GYG1: variants seen among roughly 807,000 people sequenced by gnomAD.
GYG1 encodes glycogenin 1.
GYG1 carries 44 observed loss-of-function variants against 41.9 expected under a neutral mutation model. That is an observed-to-expected ratio of 1.05 (90% CI 0.83 to 1.35). GYG1 has a LOEUF of 1.35. GYG1 is among the 40% of genes most tolerant of loss of function. The pLI, the probability that GYG1 is intolerant of heterozygous loss-of-function variation, is 0.00. For synonymous variants in GYG1, 141 were observed against 158.1 expected (o/e 0.89, Z 0.81); for missense variants, 429 against 418.9 (o/e 1.02, Z -0.21).
At chr3:149,005,019 A>C (rs957824314) in intron 4 of GYG1, among the ~76,000 whole-genome samples, 5 of 152,230 alleles carry the variant, frequency 3.3e-5, no homozygotes, top group Admixed American at 2.0e-4. Flanking sequence ...ACTACGATTT[A>C]GGCCTCTGTG....
At chr3:148,991,708 C>T in intron 1 of GYG1, 61 bp downstream of exon 1, 1 of 1,252,748 alleles carries the variant, frequency 8.0e-7, no homozygotes, top group Non-Finnish European at 1.1e-6. Context: ...CCAGCCGCCG[C>T]CTCCCTTCTC....
chr3:149,027,995 G>T lies in GYG1; in HGVS notation c.*1062G>T, dbSNP rs1199569069. Among the ~76,000 whole-genome samples, 1 of 152,174 alleles carries T rather than the reference G, an allele frequency of 6.6e-6. No individual in the cohort carries two copies. Among genetic ancestry groups the T allele is most frequent in the African/African-American group, 2.4e-5 (1 of 41,438 alleles). On this transcript the variant is annotated 3_prime_UTR_variant, in exon 8 of 8. Transcript: ENST00000345003. ...ATTTTATCTATGATTTAAAATGATAGAATGGAAAAGCGTATTTATTAAATT... is the reference window on the plus strand; with the variant it reads ...ATTTTATCTATGATTTAAAATGATATAATGGAAAAGCGTATTTATTAAATT...
chr3:149,010,371 A>G (rs1024907301), intron 5 of GYG1, among the ~76,000 whole-genome samples: 8 of 131,044 alleles, frequency 6.1e-5, no homozygotes, highest in South Asian at 4.8e-4. Context: ...TTTGTTGCCC[A>G]GGCTGGAGTG....
At chr3:149,024,828 C>CT (rs1714565972) in intron 6 of GYG1, among the ~76,000 whole-genome samples, 1 of 152,170 alleles carries the variant, frequency 6.6e-6, no homozygotes, top group Non-Finnish European at 1.5e-5. Flanking sequence ...TAACAACCCT[C>CT]TTTAGCATCT....
At chr3:149,026,598 A>G (rs949619097) in intron 7 of GYG1, 96 bp downstream of exon 7, 8 of 1,029,304 alleles carry the variant, frequency 7.8e-6, no homozygotes, top group Non-Finnish European at 1.2e-5. Flanking sequence ...AAATCATATA[A>G]TCTATATTTT....
At chr3:148,998,841 C>T (rs1319820185) in intron 4 of GYG1, among the ~76,000 whole-genome samples, 1 of 152,206 alleles carries the variant, frequency 6.6e-6, no homozygotes, top group East Asian at 1.9e-4. Context: ...TCTTAACCTT[C>T]TCGTCAGAGT....
rs1468101112 is a variant in GYG1, at chr3:149,030,128, A to G, written c.*3195A>G. The G allele has an allele frequency of 1.3e-5, 2 of 152,220 alleles. No individual in the cohort carries two copies. Among genetic ancestry groups the G allele is most frequent in the Non-Finnish European group, 2.9e-5 (2 of 68,036 alleles). The allele number at this position is 152,220 out of a possible 1,614,324, so 9.4% of individuals were successfully genotyped here. A position where few individuals can be genotyped will look rare whatever the true frequency, so the allele number is the denominator to read the frequency against. On this transcript the variant is annotated 3_prime_UTR_variant, in exon 8 of 8. Coordinates refer to ENST00000345003, the MANE Select transcript of GYG1 (RefSeq NM_004130.4). ...ATTATGGCACCGAGGAAGGTAATAA[A>G]CATTTGAAATTTTTATTGATTTTTA... is the stretch of plus-strand genomic sequence containing the variant.
intron 6 of GYG1, 26 bp downstream of exon 6, chr3:149,024,298 T>A: frequency 1.5e-6 from 2 of 1,328,644 alleles, no homozygotes; most frequent in Non-Finnish European, 2.2e-6. Flanking sequence ...TTTCTTCAGA[T>A]CATTTAATGC....
At chr3:148,993,386 C>A (rs1712598405) in intron 1 of GYG1, among the ~76,000 whole-genome samples, 1 of 152,094 alleles carries the variant, frequency 6.6e-6, no homozygotes, top group South Asian at 2.1e-4. Context: ...TTGTTTAGGG[C>A]TTCTTGGGTG....
At chr3:149,019,967 T>A (rs1714278906) in intron 5 of GYG1, among the ~76,000 whole-genome samples, 1 of 152,194 alleles carries the variant, frequency 6.6e-6, no homozygotes, top group African/African-American at 2.4e-5. Flanking sequence ...GAGGGCAGTC[T>A]GTGTGCAGGT....
At chr3:149,026,685 G>A (rs1714668278) in intron 7 of GYG1, 75 bp from the exon 8 acceptor site, 3 of 1,208,144 alleles carry the variant, frequency 2.5e-6, no homozygotes, top group East Asian at 4.6e-5. Context: ...TGGCTTTTCT[G>A]TCTTCAATTT....
chr3:149,022,498 C>CTTTTTTTTTTTTTTTTTT lies in GYG1; in HGVS notation c.609-1554_609-1537dup, dbSNP rs71617495. On this transcript the variant is annotated intron_variant, in intron 5 of 7. Transcript: ENST00000345003. The stretch of plus-strand genomic sequence containing the variant: ...AACAGTACCTTTTTTCTTGTTTTGC[C>CTTTTTTTTTTTTTTTTTT]TTTTTTTTTTTTTTTTTTGAGATGG... Among the ~76,000 whole-genome samples the CTTTTTTTTTTTTTTTTTT allele has an allele frequency of 2.7e-4, 19 of 69,586 alleles. 2 individuals carry two copies. Among genetic ancestry groups the CTTTTTTTTTTTTTTTTTT allele is most frequent in the African/African-American group, 4.8e-4 (8 of 16,828 alleles). 45.7% of individuals were successfully genotyped at this position (69,586 alleles called of 152,430 possible).
chr3:148,995,088 C>G (rs1386913179), intron 2 of GYG1, among the ~76,000 whole-genome samples: 1 of 152,128 alleles, frequency 6.6e-6, no homozygotes, highest in East Asian at 1.9e-4. Context: ...GCCTGTGATC[C>G]CAGCTACTTG....
rs899978598 is a variant in GYG1, at chr3:149,031,180, A to C, written c.*4247A>C. 1.3e-5 allele frequency: 2 copies of C among 152,632 alleles called. No individual in the cohort carries two copies. The highest frequency in any genetic ancestry group is 1.3e-4 in the Admixed American group (2 of 15,282). 9.5% of individuals were successfully genotyped at this position (152,632 alleles called of 1,614,324 possible). ...AAGTAAAAAAAAAAGAAAAGAAAAA[A>C]GATGACTAATTCTACAGATAGCTGT... On this transcript the variant is annotated 3_prime_UTR_variant, in exon 8 of 8. Transcript: ENST00000345003.
chr3:149,000,344 A>G (rs1713024062), intron 4 of GYG1, among the ~76,000 whole-genome samples: 1 of 152,238 alleles, frequency 6.6e-6, no homozygotes, highest in African/African-American at 2.4e-5. Context: ...CTGTAATTAC[A>G]TATTTCCCGA....
At chr3:148,997,161 T>A (rs1712850571) in intron 4 of GYG1, among the ~76,000 whole-genome samples, 1 of 152,180 alleles carries the variant, frequency 6.6e-6, no homozygotes, top group Admixed American at 6.5e-5. Flanking sequence ...CTTTAAGTTG[T>A]CTTCCTGTAT....
rs118000309 is a variant in GYG1 at position 149,018,212 on chromosome 3, C to T, written c.609-5841C>T. On this transcript the variant is annotated intron_variant, in intron 5 of 7. Coordinates refer to ENST00000345003, the MANE Select transcript of GYG1 (RefSeq NM_004130.4). ...CGTAATTGAGACATAAAAATAATTA[C>T]TTGAAATTAATATCTAGATTGAAAC... Among the ~76,000 whole-genome samples the T allele has an allele frequency of 3.9e-5, 6 of 152,230 alleles. No individual in the cohort carries two copies. In the East Asian group the frequency reaches 9.7e-4, roughly 25 times the overall value.
intron 5 of GYG1, among the ~76,000 whole-genome samples, chr3:149,019,260 G>C (rs1714234676): frequency 6.6e-6 from 1 of 152,120 alleles, no homozygotes; most frequent in African/African-American, 2.4e-5. Flanking sequence ...TTCTGAGTCT[G>C]TTTCAAGTTT....
chr3:149,025,992 A>ACT (rs1714629855), intron 6 of GYG1, among the ~76,000 whole-genome samples: 1 of 152,214 alleles, frequency 6.6e-6, no homozygotes, highest in Non-Finnish European at 1.5e-5. Context: ...CAAAGGCAGG[A>ACT]CTAATCCAAT....
Sources: gnomAD v4.1 joint callset for allele counts (sites outside exome capture counted in the v4.1 genomes callset) on GRCh38, gnomAD v4.1.1 for gene constraint, MANE v1.5 for transcripts, NCBI Gene and HGNC (gene_info 2026-07-23, HGNC 2026-07-21) for gene names.